PDE4D: variants seen among roughly 807,000 people sequenced by gnomAD.
PDE4D encodes the protein phosphodiesterase 4D.
Under a neutral mutation model 87.4 loss-of-function variants are expected in PDE4D, and 24 were observed. The observed-to-expected ratio is 0.27, with a 90% confidence interval of 0.20 to 0.39. The LOEUF (loss-of-function observed/expected upper bound fraction) is 0.39, where lower values mean the gene tolerates loss of function less well. Among genes scored for constraint, PDE4D ranks in the 10% least tolerant of loss-of-function variants. The probability of loss-of-function intolerance (pLI) is 1.00; values close to 1 mark genes in which losing one functional copy is unlikely to be tolerated. For synonymous variants in PDE4D, 384 were observed against 383.2 expected, an observed-to-expected ratio of 1.00 and a Z score of -0.02; for missense variants, 714 against 1,041.0, an observed-to-expected ratio of 0.69 and a Z score of 4.32.
At chr5:60,474,750 G>A (rs2150202629) in intron 1 of PDE4D, among the ~76,000 whole-genome samples, 1 of 152,266 alleles carries the variant, frequency 6.6e-6, no homozygotes, top group Middle Eastern at 3.4e-3. Flanking sequence ...AAGGCAGAGA[G>A]GAGAGACATC....
chr5:59,322,306 T>C (rs922836347), intron 1 of PDE4D, among the ~76,000 whole-genome samples: 1 of 152,144 alleles, frequency 6.6e-6, no homozygotes, highest in Non-Finnish European at 1.5e-5. Context: ...AACATAAACC[T>C]CTAGAGGAAT....
chr5:59,997,673 A>G (rs141764698), intron 2 of PDE4D, among the ~76,000 whole-genome samples: 27 of 152,310 alleles, frequency 1.8e-4, no homozygotes, highest in African/African-American at 6.3e-4. Flanking sequence ...ACTACAAAAT[A>G]TCCCCTTGAT....
At position 59,412,437 on chromosome 5, in the gene PDE4D, C is replaced by A. The variant is rs376881279; in HGVS notation, c.456-196469G>T. Among the ~76,000 whole-genome samples the A allele has an allele frequency of 1.1e-4, 16 of 152,246 alleles. No homozygotes were observed. The East Asian group carries it at 1.7e-3, about 17-fold the overall frequency. On this transcript the variant is annotated intron_variant, in intron 1 of 14. Transcript: ENST00000340635. ...GTTACACATCCACAATTACGCTCTG[C>A]TTAGGGCAAGTTGGGAGCACTGGAG...
intron 2 of PDE4D, among the ~76,000 whole-genome samples, chr5:60,002,287 C>T (rs1038908310): frequency 6.6e-6 from 1 of 151,558 alleles, no homozygotes; most frequent in African/African-American, 2.4e-5. Context: ...AAAAAAACTC[C>T]TAACAAAGAA....
At position 60,390,643 on chromosome 5, in the gene PDE4D, AT is replaced by A. The variant is rs1388977424; in HGVS notation, c.-90+97298del. ...CTTTTTCTCTGCAGTAGAAATGATA[AT>A]TTAAAAAAAAAAAAAAAACAAGAAC... is the stretch of plus-strand genomic sequence containing the variant. On this transcript the variant is annotated intron_variant, in intron 1 of 16. Transcript: ENST00000502484. 4.8e-5 allele frequency among the ~76,000 whole-genome samples: 6 copies of A among 125,454 alleles called. No homozygotes were observed. In the South Asian group the frequency reaches 9.8e-4, roughly 20 times the overall value. The allele number at this position is 125,454 out of a possible 152,430, so 82.3% of individuals were successfully genotyped here.
At chr5:60,206,279 C>T (rs1457293832) in intron 1 of PDE4D, among the ~76,000 whole-genome samples, 1 of 152,280 alleles carries the variant, frequency 6.6e-6, no homozygotes, top group Non-Finnish European at 1.5e-5. Context: ...TCCCGATTAC[C>T]TTTATTGCTA....
At chr5:60,274,079 T>C (rs780328158) in intron 1 of PDE4D, among the ~76,000 whole-genome samples, 2 of 152,192 alleles carry the variant, frequency 1.3e-5, no homozygotes, top group African/African-American at 2.4e-5. Flanking sequence ...CCTGATACAC[T>C]GGAATTATTT....
intron 1 of PDE4D, among the ~76,000 whole-genome samples, chr5:59,512,571 C>T (rs1030800876): frequency 1.3e-5 from 2 of 151,996 alleles, no homozygotes; most frequent in Non-Finnish European, 2.9e-5. Flanking sequence ...AATGTTTAAC[C>T]CCATTGAACT....
chr5:59,482,515 C>T (rs527879722), intron 1 of PDE4D, among the ~76,000 whole-genome samples: 11 of 152,056 alleles, frequency 7.2e-5, no homozygotes, highest in African/African-American at 2.7e-4. Flanking sequence ...AAAGAATATG[C>T]CCTTAGAAAT....
intron 1 of PDE4D, among the ~76,000 whole-genome samples, chr5:60,281,313 G>C (rs1038380850): frequency 6.6e-6 from 1 of 152,022 alleles, no homozygotes; most frequent in Non-Finnish European, 1.5e-5. Context: ...ACTTCTTGTC[G>C]TTCCTGTGGA....
intron 1 of PDE4D, among the ~76,000 whole-genome samples, chr5:60,227,296 CT>C (rs2149612831): frequency 6.6e-6 from 1 of 152,102 alleles, no homozygotes; most frequent in Admixed American, 6.6e-5. Flanking sequence ...TACCCTTTCC[CT>C]TTCAGTTGTG....
intron 1 of PDE4D, among the ~76,000 whole-genome samples, chr5:59,309,009 G>A (rs1029216756): frequency 1.3e-5 from 2 of 152,032 alleles, no homozygotes; most frequent in African/African-American, 4.8e-5. Flanking sequence ...AGTCATGCAG[G>A]TTGTCAGGGA....
At chr5:60,308,909 C>T (rs1326889057) in intron 1 of PDE4D, among the ~76,000 whole-genome samples, 1 of 152,066 alleles carries the variant, frequency 6.6e-6, no homozygotes, top group East Asian at 1.9e-4. Context: ...TACTCTGCCT[C>T]TCAGTGATTT....
chr5:59,444,363 T>C (rs73758702), intron 1 of PDE4D, among the ~76,000 whole-genome samples: 3,412 of 152,204 alleles, frequency 0.022, 138 homozygotes, highest in African/African-American at 0.076. Context: ...AGTGGGTAAA[T>C]TGGTCCTCCT....
chr5:59,924,182 CAAAA>C (rs1287063392), intron 3 of PDE4D, among the ~76,000 whole-genome samples: 1 of 151,438 alleles, frequency 6.6e-6, no homozygotes, highest in African/African-American at 2.4e-5. Flanking sequence ...TCAGAAGAGA[CAAAA>C]GAAAGAAAAA....
intron 2 of PDE4D, among the ~76,000 whole-genome samples, chr5:60,121,647 CA>C (rs1322828598): frequency 6.6e-6 from 1 of 152,060 alleles, no homozygotes; most frequent in Non-Finnish European, 1.5e-5. Context: ...AAATGCCTCC[CA>C]CAACATGTGG....
At chr5:60,127,572 T>C (rs1779223556) in intron 2 of PDE4D, 2 of 482,138 alleles carry the variant, frequency 4.1e-6, no homozygotes, top group African/African-American at 2.0e-5. Flanking sequence ...GCCTTAGTGA[T>C]AGGGTACTTA....
intron 6 of PDE4D, among the ~76,000 whole-genome samples, chr5:59,023,224 A>T (rs1251510854): frequency 1.3e-5 from 2 of 152,016 alleles, no homozygotes; most frequent in Non-Finnish European, 2.9e-5. Context: ...CAGAGAATAA[A>T]CACTTGTTCT....
At chr5:59,704,090 G>A (rs1051184162) in intron 1 of PDE4D, among the ~76,000 whole-genome samples, 1 of 152,124 alleles carries the variant, frequency 6.6e-6, no homozygotes, top group African/African-American at 2.4e-5. Flanking sequence ...GGAGTGCGAG[G>A]GAGGTAACCC....
Sources: allele counts gnomAD v4.1 joint callset (sites outside exome capture counted in the v4.1 genomes callset), GRCh38; gene constraint gnomAD v4.1.1; transcripts MANE v1.5; gene names NCBI Gene and HGNC (gene_info 2026-07-23, HGNC 2026-07-21).